The following AGK variants were observed in gnomAD, a reference collection of about 807,000 sequenced individuals.
AGK encodes acylglycerol kinase, also known as acylglycerol kinase, mitochondrial.
Under a neutral mutation model 66.4 loss-of-function variants are expected in AGK, and 52 were observed. That is an observed-to-expected ratio of 0.78 (90% CI 0.63 to 0.99). The LOEUF is 0.99. Ranked by LOEUF, AGK falls within the 50% of genes least tolerant of loss-of-function variation. AGK has a pLI of 0.00. For missense variants in AGK, 451 were observed against 506.6 expected, an observed-to-expected ratio of 0.89 and a Z score of 1.05; for synonymous variants, 182 against 181.1, an observed-to-expected ratio of 1.00 and a Z score of -0.04.
intron 2 of AGK, among the ~76,000 whole-genome samples, chr7:141,579,932 A>G (rs1347337725): frequency 4.6e-5 from 7 of 152,014 alleles, no homozygotes; most frequent in Non-Finnish European, 1.5e-5. Flanking sequence ...TGTGAGGGAC[A>G]GAAGTTGGAA....
intron 2 of AGK, among the ~76,000 whole-genome samples, chr7:141,564,031 A>G (rs1378311390): frequency 1.3e-5 from 2 of 152,136 alleles, no homozygotes; most frequent in East Asian, 1.9e-4. Flanking sequence ...TGTGATCATA[A>G]CTCACTGCAG....
chr7:141,579,184 G>A (rs996555180), intron 2 of AGK, among the ~76,000 whole-genome samples: 39 of 152,024 alleles, frequency 2.6e-4, no homozygotes, highest in Admixed American at 2.3e-3. Flanking sequence ...GGACAGGCCC[G>A]AATTCTGAGA....
At chr7:141,551,780 T>TG (rs1199177747) in intron 1 of AGK, among the ~76,000 whole-genome samples, 1 of 152,150 alleles carries the variant, frequency 6.6e-6, no homozygotes, top group Non-Finnish European at 1.5e-5. Flanking sequence ...CTTTGCAAAA[T>TG]GGGGCCAATA....
At chr7:141,586,487 C>A in intron 2 of AGK, among the ~76,000 whole-genome samples, 1 of 152,136 alleles carries the variant, frequency 6.6e-6, no homozygotes, top group East Asian at 1.9e-4. Flanking sequence ...AAGTATTTAC[C>A]AAGTACCCTC....
intron 2 of AGK, among the ~76,000 whole-genome samples, chr7:141,591,525 C>A (rs569901218): frequency 1.3e-5 from 2 of 152,248 alleles, no homozygotes; most frequent in Non-Finnish European, 2.9e-5. Context: ...TGAGCAGCAG[C>A]CTTTGACAGC....
chr7:141,572,292 C>G (rs935831379), intron 2 of AGK, among the ~76,000 whole-genome samples: 7 of 152,130 alleles, frequency 4.6e-5, no homozygotes, highest in Admixed American at 4.6e-4. Context: ...ATAGTTTACA[C>G]AAAAGGTAAT....
chr7:141,604,403 T>C lies in AGK; in HGVS notation c.297+3123T>C, dbSNP rs868185412. Among the ~76,000 whole-genome samples, 1,395 of 141,486 alleles carry C rather than the reference T, an allele frequency of 9.9e-3. 26 individuals are homozygous for C. The highest frequency in any genetic ancestry group is 0.034 in the African/African-American group (1,285 of 38,260). The allele number at this position is 141,486 out of a possible 152,430, so 92.8% of individuals were successfully genotyped here. A position where few individuals can be genotyped will look rare whatever the true frequency, so the allele number is the denominator to read the frequency against. On this transcript the variant is annotated intron_variant, in intron 5 of 15. Transcript: ENST00000649286. The stretch of plus-strand genomic sequence containing the variant: ...ATATATATATATATATATATATATA[T>C]ACACATACATACACACACACACATA...
intron 3 of AGK, chr7:141,593,655 A>G (rs1587104535): frequency 1.1e-5 from 4 of 368,930 alleles, no homozygotes; most frequent in Non-Finnish European, 1.9e-5. Flanking sequence ...GTTATATTCC[A>G]TGAGATTTTA....
intron 4 of AGK, among the ~76,000 whole-genome samples, chr7:141,597,944 T>C (rs1354503324): frequency 2.7e-5 from 3 of 111,148 alleles, no homozygotes; most frequent in African/African-American, 1.2e-4. Flanking sequence ...AATTAGTAAA[T>C]ATGTATTAAA....
chr7:141,621,779 C>T lies in AGK; in HGVS notation c.566C>T (p.Pro189Leu), dbSNP rs771075292. The change falls in exon 9 of 16, where the codon CCA becomes CTA. Residue 189 changes from proline (P) to leucine (L), a missense_variant. Transcript: ENST00000649286. ...GCCATTGTGAAAGGAGAGACAGTTCCACTTGATGTCTTGCAGATCAAGGTA... is the reference window on the plus strand; with the variant it reads ...GCCATTGTGAAAGGAGAGACAGTTCTACTTGATGTCTTGCAGATCAAGGTA... The part of the protein sequence containing the change: ...TLAIVKGETV[P>L]LDVLQIKGEK... The T allele has an allele frequency of 1.9e-6, 3 of 1,613,316 alleles. No homozygotes were observed. Among genetic ancestry groups the T allele is most frequent in the Non-Finnish European group, 2.5e-6 (3 of 1,179,428 alleles).
At chr7:141,592,483 C>T (rs1211319074) in intron 2 of AGK, among the ~76,000 whole-genome samples, 1 of 152,162 alleles carries the variant, frequency 6.6e-6, no homozygotes, top group East Asian at 1.9e-4. Context: ...TGATCCAGGA[C>T]GATCTCCCAT....
chr7:141,584,131 C>G (rs185467291), intron 2 of AGK, among the ~76,000 whole-genome samples: 1 of 151,740 alleles, frequency 6.6e-6, no homozygotes, highest in Non-Finnish European at 1.5e-5. Flanking sequence ...GGGCCGAGTC[C>G]GAAAAGAGAG....
At chr7:141,591,801 C>T (rs931835186) in intron 2 of AGK, among the ~76,000 whole-genome samples, 1 of 152,202 alleles carries the variant, frequency 6.6e-6, no homozygotes, top group Admixed American at 6.5e-5. Flanking sequence ...GCAGTGCCAG[C>T]AATGTGCATT....
intron 6 of AGK, 46 bp from the exon 7 acceptor site, chr7:141,614,100 G>A (rs751544302): frequency 1.3e-5 from 17 of 1,331,140 alleles, no homozygotes; most frequent in Non-Finnish European, 1.6e-5. Flanking sequence ...TTATTGTAAA[G>A]GAAATACATA....
chr7:141,606,370 T>A (rs1796460330), intron 5 of AGK, among the ~76,000 whole-genome samples: 1 of 152,210 alleles, frequency 6.6e-6, no homozygotes, highest in Non-Finnish European at 1.5e-5. Context: ...CATATACTAT[T>A]CTTTCAAACA....
chr7:141,595,699 C>T (rs1431622349), intron 3 of AGK, among the ~76,000 whole-genome samples: 2 of 152,116 alleles, frequency 1.3e-5, no homozygotes. Flanking sequence ...TGGTACTTTC[C>T]TATTCTTTTT....
At chr7:141,626,482 A>G (rs370837809) in intron 9 of AGK, among the ~76,000 whole-genome samples, 81 of 152,344 alleles carry the variant, frequency 5.3e-4, no homozygotes, top group Middle Eastern at 6.8e-3. Flanking sequence ...TAAAAGGGAA[A>G]AATATACTTT....
At chr7:141,573,175 G>T (rs1562961565) in intron 2 of AGK, among the ~76,000 whole-genome samples, 2 of 152,090 alleles carry the variant, frequency 1.3e-5, no homozygotes, top group Non-Finnish European at 2.9e-5. Context: ...TGAAATTGGG[G>T]TATTAATGGG....
At chr7:141,559,309 G>T (rs1001486666) in intron 2 of AGK, among the ~76,000 whole-genome samples, 17 of 152,018 alleles carry the variant, frequency 1.1e-4, no homozygotes, top group African/African-American at 3.6e-4. Flanking sequence ...TAAGATAGGG[G>T]TTCAGCTTCA....
Sources: allele counts gnomAD v4.1 joint callset (sites outside exome capture counted in the v4.1 genomes callset), GRCh38; gene constraint gnomAD v4.1.1; transcripts MANE v1.5; gene names NCBI Gene and HGNC (gene_info 2026-07-23, HGNC 2026-07-21).